The following PNPLA7 variants were observed in gnomAD, a reference collection of about 807,000 sequenced individuals.
PNPLA7 encodes patatin like domain 7, lysophospholipase.
A neutral mutation model predicts 161.7 loss-of-function variants in PNPLA7; 153 were observed. The observed-to-expected ratio is 0.95, with a 90% CI of 0.83 to 1.08. The LOEUF (loss-of-function observed/expected upper bound fraction) is 1.08. PNPLA7 is among the 50% of genes least tolerant of loss of function. The pLI, the probability that PNPLA7 is intolerant of heterozygous loss-of-function variation, is 0.00. For missense variants in PNPLA7, 1,739 were observed against 1,856.6 expected (o/e 0.94, Z 1.16); for synonymous variants, 809 against 782.1 (o/e 1.03, Z -0.57).
intron 28 of PNPLA7, 100 bp from the exon 29 acceptor site, chr9:137,463,631 A>G: frequency 1.2e-6 from 1 of 862,960 alleles, no homozygotes; most frequent in Non-Finnish European, 1.8e-6. Context: ...GGTAGGTCCC[A>G]ACTCTCTGAG....
At chr9:137,513,095 A>G (rs1327972459) in intron 12 of PNPLA7, among the ~76,000 whole-genome samples, 2 of 152,256 alleles carry the variant, frequency 1.3e-5, no homozygotes, top group African/African-American at 4.8e-5. Context: ...AATTATCACC[A>G]TAAAGAGTAA....
At chr9:137,503,284 G>T (rs1028432590) in intron 14 of PNPLA7, among the ~76,000 whole-genome samples, 1 of 152,012 alleles carries the variant, frequency 6.6e-6, no homozygotes, top group East Asian at 1.9e-4. Context: ...AGGAGGCTGA[G>T]GTGGGAGGAT....
intron 13 of PNPLA7, 61 bp downstream of exon 13, chr9:137,505,922 C>T: frequency 6.4e-6 from 10 of 1,550,716 alleles, no homozygotes; most frequent in Non-Finnish European, 8.8e-6. Flanking sequence ...CCCAATGCAC[C>T]AGCAAGCCAC....
Position 137,520,162 on chromosome 9 carries a change from C to A in PNPLA7, c.958-119G>T. 2 of 1,409,572 alleles carry A rather than the reference C, an allele frequency of 1.4e-6. No homozygotes were observed. Among genetic ancestry groups the A allele is most frequent in the Non-Finnish European group, 1.9e-6 (2 of 1,041,670 alleles). The allele number at this position is 1,409,572 out of a possible 1,614,324, so 87.3% of individuals were successfully genotyped here. ...CCTCAAAGGTGTGACAGGTGTGGGCCCCTCAAAGGTGTGACAGGTGTGGGA... is the reference window on the plus strand; with the variant it reads ...CCTCAAAGGTGTGACAGGTGTGGGCACCTCAAAGGTGTGACAGGTGTGGGA... On this transcript the variant is annotated intron_variant, in intron 10 of 34. Coordinates refer to ENST00000406427, the MANE Select transcript of PNPLA7 (RefSeq NM_001098537.3). This position sits in a 1 kb window ranked among gnomAD's most constrained non-coding sequence, Gnocchi z 5.2.
At chr9:137,546,207 T>C (rs955915086) in intron 4 of PNPLA7, among the ~76,000 whole-genome samples, 1 of 152,072 alleles carries the variant, frequency 6.6e-6, no homozygotes, top group African/African-American at 2.4e-5. Context: ...CTCCTCTCTC[T>C]CTCTGTCTCG....
Position 137,493,024 on chromosome 9 carries a change from C to A in PNPLA7, c.2186G>T (p.Gly729Val), listed in dbSNP as rs1335874583. Reference protein sequence around the residue: ...GEKILGSLQQGPVTGHQLGLP... With the variant: ...GEKILGSLQQVPVTGHQLGLP... ...GAGAGGTGACCCACCTGTCACAGGT[C>A]CCTGCTGGAGGCTGCCCAGGATCTT... Residue 729 changes from glycine to valine, a missense_variant, in exon 20 of 35, where the codon GGA (glycine) becomes GTA (valine). Physicochemically the swap from Gly to Val is moderately radical, Grantham distance 109 (BLOSUM62 -3). Transcript: ENST00000406427. 3 of 1,613,576 alleles carry A rather than the reference C, an allele frequency of 1.9e-6. No homozygotes were observed. The Admixed American group carries it at 5.0e-5, about 27-fold the overall frequency.
intron 18 of PNPLA7, 68 bp from the exon 19 acceptor site, chr9:137,495,214 A>G (rs1832988818): frequency 1.7e-6 from 2 of 1,188,668 alleles, no homozygotes; most frequent in African/African-American, 3.0e-5. Context: ...CCTGTCCCTG[A>G]CAGCCTCCGG....
chr9:137,492,694 T>G (rs1200751061), intron 20 of PNPLA7, among the ~76,000 whole-genome samples: 22 of 22,766 alleles, frequency 9.7e-4, no homozygotes, highest in South Asian at 3.0e-3. Flanking sequence ...CAGGATGGGG[T>G]GGGGCCATGG....
intron 11 of PNPLA7, 69 bp downstream of exon 11, chr9:137,519,848 T>C: frequency 6.4e-7 from 1 of 1,553,594 alleles, no homozygotes; most frequent in Non-Finnish European, 8.7e-7. Context: ...TGGGGTGACC[T>C]GAGGCAGTGG....
Position 137,500,797 on chromosome 9 carries a change from C to T in PNPLA7, c.1651G>A (p.Glu551Lys). 1 of 1,610,464 alleles carries T rather than the reference C, an allele frequency of 6.2e-7. No individual in the cohort carries two copies. Among genetic ancestry groups the T allele is most frequent in the South Asian group, 1.1e-5 (1 of 90,466 alleles). ...AGCACGGCCAGCTGGCCCACCATCTCCCCGGGGCGCGTGAGGAACAAGCAG... is the reference window on the plus strand; with the variant it reads ...AGCACGGCCAGCTGGCCCACCATCTTCCCGGGGCGCGTGAGGAACAAGCAG... ...DTCLFLTRPG[E>K]MVGQLAVLTG... Residue 551 changes from glutamate (E) to lysine (K), a missense_variant, in exon 16 of 35, where the codon GAG becomes AAG. Around this residue, in one of 6 missense-constraint regions of PNPLA7, gnomAD observed 481 missense variants for 450.0 expected, o/e 1.07. Transcript: ENST00000406427. The surrounding 1 kb of genome is among the most constrained non-coding windows in gnomAD (Gnocchi z 5.5).
intron 8 of PNPLA7, among the ~76,000 whole-genome samples, chr9:137,526,624 A>T (rs1377104336): frequency 2.6e-5 from 4 of 152,198 alleles, no homozygotes; most frequent in African/African-American, 9.7e-5. Context: ...AGAATATTGA[A>T]TCTGAGGGGG....
chr9:137,492,655 C>A (rs1588590789), intron 20 of PNPLA7, among the ~76,000 whole-genome samples: 1 of 104,928 alleles, frequency 9.5e-6, no homozygotes. Flanking sequence ...CACGACAGGG[C>A]AGGGCCATGG....
chr9:137,493,679 G>A (rs1205097368), intron 19 of PNPLA7, among the ~76,000 whole-genome samples: 1 of 152,242 alleles, frequency 6.6e-6, no homozygotes, highest in Admixed American at 6.5e-5. Flanking sequence ...CTGGTTGGAT[G>A]GAGCCCTGCA....
rs1833330152 is a variant in PNPLA7, at chr9:137,500,477, G to A, written c.1757+214C>T. 6.6e-6 allele frequency among the ~76,000 whole-genome samples: 1 copy of A among 152,204 alleles called. No individual in the cohort carries two copies. Among genetic ancestry groups the A allele is most frequent in the South Asian group, 2.1e-4 (1 of 4,826 alleles). On this transcript the variant is annotated intron_variant, in intron 16 of 34. Transcript: ENST00000406427. This position sits in a 1 kb window ranked among gnomAD's most constrained non-coding sequence, Gnocchi z 5.5. Reference sequence around the variant, plus strand: ...GGGACCAGACCACAGAGACGGCCGTGCGAAGCTGATCGCTGCGGGCAGGTG... The same window carrying A: ...GGGACCAGACCACAGAGACGGCCGTACGAAGCTGATCGCTGCGGGCAGGTG...
chr9:137,505,476 A>G, intron 14 of PNPLA7, 138 bp downstream of exon 14: 1 of 1,012,224 alleles, frequency 9.9e-7, no homozygotes, highest in East Asian at 2.6e-5. Flanking sequence ...CCAAAAGACA[A>G]GCAAGCCTGC....
Position 137,480,955 on chromosome 9 carries a change from C to A in PNPLA7, c.2411+5G>T, listed in dbSNP as rs373168717. 1 of 1,551,340 alleles carries A rather than the reference C, an allele frequency of 6.4e-7. No individual in the cohort carries two copies. The highest frequency in any genetic ancestry group is 8.7e-7 in the Non-Finnish European group (1 of 1,146,898). ...GAGGAAGGAGTCGGGGCTGGCGGCA[C>A]GCACCTGTCCAGGGCAGCGGAGCCA... On this transcript the variant is annotated splice_donor_5th_base_variant and intron_variant, in intron 22 of 34. Transcript: ENST00000406427.
chr9:137,492,636 G>C, intron 20 of PNPLA7, among the ~76,000 whole-genome samples: 1 of 149,184 alleles, frequency 6.7e-6, no homozygotes, highest in East Asian at 2.0e-4. Context: ...AGCTGGGTGG[G>C]TGGGACTGCA....
intron 26 of PNPLA7, among the ~76,000 whole-genome samples, chr9:137,465,777 C>T (rs1199419165): frequency 6.6e-6 from 1 of 152,126 alleles, no homozygotes; most frequent in Non-Finnish European, 1.5e-5. Context: ...AAAAGGAGAA[C>T]ACGAACCCTT....
Position 137,543,922 on chromosome 9 carries a change from C to A in PNPLA7, c.274-107G>T. The stretch of plus-strand genomic sequence containing the variant: ...GACCTGCCTGTGGGCCTCCCACAGT[C>A]CCAGCTTCAGCTCCTGGGGTCTGGC... On this transcript the variant is annotated intron_variant, in intron 4 of 34. Coordinates refer to ENST00000406427, the MANE Select transcript of PNPLA7 (RefSeq NM_001098537.3). This position sits in a 1 kb window ranked among gnomAD's most constrained non-coding sequence, Gnocchi z 6.9. The A allele has an allele frequency of 1.1e-6, 1 of 900,868 alleles. No homozygotes were observed. Among genetic ancestry groups the A allele is most frequent in the Non-Finnish European group, 1.8e-6 (1 of 558,604 alleles). 55.8% of individuals were successfully genotyped at this position (900,868 alleles called of 1,614,324 possible).
Sources: allele counts gnomAD v4.1 joint callset (sites outside exome capture counted in the v4.1 genomes callset), GRCh38; gene constraint gnomAD v4.1.1; regional missense constraint gnomAD v4.1.1; non-coding constraint Gnocchi (gnomAD v3.1); transcripts MANE v1.5; gene names NCBI Gene and HGNC (gene_info 2026-07-23, HGNC 2026-07-21).